Variants in ZNF292 observed in about 807,000 individuals in gnomAD.
ZNF292 encodes the protein 16 zinc-finger domain protein.
ZNF292 carries 26 observed loss-of-function variants against 217.9 expected under a neutral mutation model. The observed-to-expected ratio is 0.12, with a 90% CI of 0.09 to 0.17. The LOEUF is 0.17. Among genes scored for constraint, ZNF292 ranks in the 10% least tolerant of loss-of-function variants. ZNF292 has a pLI of 1.00. For missense variants in ZNF292, 2,904 were observed against 3,175.2 expected (o/e 0.91, Z 2.05); for synonymous variants, 1,257 against 1,124.1 (o/e 1.12, Z -2.37).
At position 87,155,626 on chromosome 6, in the gene ZNF292, G is replaced by A. The variant is rs779266472; in HGVS notation, c.35G>A (p.Ser12Asn). Residue 12 changes from serine to asparagine, a missense_variant, in exon 1 of 8, where the codon AGT (serine) becomes AAT (asparagine). Ser to Asn is a conservative substitution (Grantham distance 46). This residue lies in a region of ZNF292 where 66 missense variants were observed against 44.1 expected (regional missense o/e 1.50). Transcript: ENST00000369577. ...ADEEAEQERL[S>N]CGEGGCVAEL... The stretch of plus-strand genomic sequence containing the variant: ...GAAGAGGCCGAGCAGGAGAGGTTGA[G>A]TTGCGGCGAAGGCGGCTGCGTCGCG... The A allele has an allele frequency of 1.3e-6, 2 of 1,583,920 alleles. No individual in the cohort carries two copies. Among genetic ancestry groups the A allele is most frequent in the South Asian group, 2.3e-5 (2 of 86,720 alleles).
chr6:87,224,055 C>A (rs1317976303), intron 4 of ZNF292: 2 of 152,206 alleles, frequency 1.3e-5, no homozygotes, highest in Non-Finnish European at 2.9e-5. Flanking sequence ...CAGTATGTAG[C>A]CTTTCAGACT....
chr6:87,263,657 A>G lies in ZNF292; in HGVS notation c.*1856A>G, dbSNP rs971896006. ...CCCTTTGGTGAGCCCACTGTTATTT[A>G]TTAAAATAAAAGTTATTTTATGGGT... On this transcript the variant is annotated 3_prime_UTR_variant, in exon 8 of 8. Transcript: ENST00000369577. 2 of 152,130 alleles carry G rather than the reference A, an allele frequency of 1.3e-5. No individual in the cohort carries two copies. The highest frequency in any genetic ancestry group is 4.8e-5 in the African/African-American group (2 of 41,452). 9.4% of individuals were successfully genotyped at this position (152,130 alleles called of 1,614,324 possible). A position where few individuals can be genotyped will look rare whatever the true frequency, so the allele number is the denominator to read the frequency against.
At chr6:87,207,499 G>A (rs932432264) in intron 1 of ZNF292, among the ~76,000 whole-genome samples, 11 of 151,898 alleles carry the variant, frequency 7.2e-5, no homozygotes, top group Admixed American at 2.6e-4. Flanking sequence ...ACTTTATTGC[G>A]TTTTATTCAA....
intron 1 of ZNF292, among the ~76,000 whole-genome samples, chr6:87,192,055 C>T (rs1213798629): frequency 6.6e-6 from 1 of 152,136 alleles, no homozygotes; most frequent in Non-Finnish European, 1.5e-5. Flanking sequence ...CTAAGGGTAA[C>T]ACAAACTTAG....
At chr6:87,158,453 C>T (rs1215332117) in intron 1 of ZNF292, among the ~76,000 whole-genome samples, 1 of 152,072 alleles carries the variant, frequency 6.6e-6, no homozygotes, top group East Asian at 1.9e-4. Context: ...TTGGGCGGAT[C>T]GCTTGAGCCT....
At chr6:87,189,788 C>T (rs1028301387) in intron 1 of ZNF292, among the ~76,000 whole-genome samples, 1 of 152,026 alleles carries the variant, frequency 6.6e-6, no homozygotes, top group Non-Finnish European at 1.5e-5. Flanking sequence ...TATTCTTCAC[C>T]CTTCCCCTTC....
At chr6:87,254,001 A>G (rs1010044890) in intron 7 of ZNF292, among the ~76,000 whole-genome samples, 6 of 152,044 alleles carry the variant, frequency 3.9e-5, no homozygotes, top group African/African-American at 1.5e-4. Context: ...GTCTACCCCT[A>G]CTCCTAATTC....
At chr6:87,159,491 CTTTCT>C (rs1179350547) in intron 1 of ZNF292, among the ~76,000 whole-genome samples, 6 of 137,132 alleles carry the variant, frequency 4.4e-5, no homozygotes, top group Non-Finnish European at 9.4e-5. Flanking sequence ...GCTTTCTTTT[CTTTCT>C]TTTTTTTTTT....
chr6:87,160,536 T>A (rs1770703859), intron 1 of ZNF292, among the ~76,000 whole-genome samples: 1 of 150,830 alleles, frequency 6.6e-6, no homozygotes, highest in African/African-American at 2.5e-5. Context: ...AGGACCTAGG[T>A]TTAGATGTTA....
At chr6:87,217,323 C>T (rs1045968437) in intron 3 of ZNF292, among the ~76,000 whole-genome samples, 1 of 152,018 alleles carries the variant, frequency 6.6e-6, no homozygotes, top group Non-Finnish European at 1.5e-5. Context: ...TCTTATTTAA[C>T]GTCATAGGAT....
intron 1 of ZNF292, among the ~76,000 whole-genome samples, chr6:87,184,214 G>T (rs1227727384): frequency 6.6e-6 from 1 of 152,192 alleles, no homozygotes. Flanking sequence ...GTGTGAAGGG[G>T]CAGAAGTAAT....
intron 4 of ZNF292, among the ~76,000 whole-genome samples, chr6:87,222,429 T>C (rs1196273591): frequency 3.3e-5 from 5 of 152,192 alleles, no homozygotes; most frequent in Non-Finnish European, 7.3e-5. Context: ...AACAAGTGTT[T>C]GTGGCTGTGA....
At chr6:87,175,941 C>T (rs1263599255) in intron 1 of ZNF292, among the ~76,000 whole-genome samples, 1 of 152,152 alleles carries the variant, frequency 6.6e-6, no homozygotes, top group Admixed American at 6.5e-5. Flanking sequence ...AATTTATTTA[C>T]ACTACGCTCC....
intron 5 of ZNF292, among the ~76,000 whole-genome samples, chr6:87,239,051 A>G (rs1259095141): frequency 1.3e-5 from 2 of 152,262 alleles, no homozygotes; most frequent in Non-Finnish European, 2.9e-5. Flanking sequence ...CTTAGTACGG[A>G]ACAAAATAGA....
At chr6:87,238,336 A>C (rs1211487078) in intron 5 of ZNF292, among the ~76,000 whole-genome samples, 3 of 152,156 alleles carry the variant, frequency 2.0e-5, no homozygotes, top group African/African-American at 7.2e-5. Flanking sequence ...AAATATAAAA[A>C]TTAGCCAGTC....
rs903542154 is a variant in ZNF292, at chr6:87,259,015, C to T, written c.5386C>T (p.Pro1796Ser). Residue 1796 changes from proline to serine, a missense_variant, in exon 8 of 8, where the codon CCT becomes TCT. This residue lies in a region of ZNF292 where 622 missense variants were observed against 573.1 expected (regional missense o/e 1.09). Transcript: ENST00000369577. ...NAQINYNIQLPSVNTVQNNKL... is the reference protein window; with the variant it reads ...NAQINYNIQLSSVNTVQNNKL... ...TCAAATAAATTATAACATTCAGCTT[C>T]CTTCAGTAAACACTGTGCAAAATAA... The T allele has an allele frequency of 5.0e-6, 8 of 1,613,532 alleles. No homozygotes were observed. Among genetic ancestry groups the T allele is most frequent in the Non-Finnish European group, 6.8e-6 (8 of 1,179,676 alleles).
intron 1 of ZNF292, among the ~76,000 whole-genome samples, chr6:87,163,496 T>G (rs1384756803): frequency 1.3e-5 from 2 of 152,028 alleles, no homozygotes; most frequent in African/African-American, 4.8e-5. Flanking sequence ...TAGTTACATA[T>G]ATCTTTTGAT....
intron 1 of ZNF292, among the ~76,000 whole-genome samples, chr6:87,190,101 T>C (rs911843579): frequency 2.0e-5 from 3 of 152,206 alleles, no homozygotes; most frequent in African/African-American, 7.2e-5. Context: ...CCTTTGTGTG[T>C]GTATGTGTGT....
rs931999767 is a variant in ZNF292, at chr6:87,260,505, A to G, written c.6876A>G (p.Pro2292=). Residue 2292 remains proline, a synonymous_variant, in exon 8 of 8, where the codon CCA becomes CCG. Transcript: ENST00000369577. ...NDKHKAHLIR[P]RRLTPGQENM... is the part of the protein sequence containing the mutation. Reference sequence around the variant, plus strand: ...AACATAAGGCTCATTTGATTCGTCCAAGAAGATTAACACCAGGCCAGGAAA... The same window carrying G: ...AACATAAGGCTCATTTGATTCGTCCGAGAAGATTAACACCAGGCCAGGAAA... 3.1e-6 allele frequency: 5 copies of G among 1,613,580 alleles called. No individual in the cohort carries two copies. Among genetic ancestry groups the G allele is most frequent in the Middle Eastern group, 1.7e-4 (1 of 6,060 alleles).
Sources: gnomAD v4.1 joint callset for allele counts (sites outside exome capture counted in the v4.1 genomes callset) on GRCh38, gnomAD v4.1.1 for gene constraint, gnomAD v4.1.1 regional missense constraint, MANE v1.5 for transcripts, NCBI Gene and HGNC (gene_info 2026-07-23, HGNC 2026-07-21) for gene names.